Variants in NDRG2 observed in about 807,000 individuals in gnomAD.
The protein encoded by NDRG2 is NDRG family member 2, also known as protein NDRG2.
A neutral mutation model predicts 58.2 loss-of-function variants in NDRG2; 34 were observed. The observed-to-expected ratio is 0.58, with a 90% CI of 0.44 to 0.78. NDRG2 has a LOEUF of 0.78. Among genes scored for constraint, NDRG2 ranks in the 30% least tolerant of loss-of-function variants. The pLI is 0.00. For missense variants in NDRG2, 434 were observed against 471.2 expected, an observed-to-expected ratio of 0.92 and a Z score of 0.73; for synonymous variants, 187 against 175.9, an observed-to-expected ratio of 1.06 and a Z score of -0.50.
At chr14:21,034,298 T>C in intron 1 of NDRG2, 1 of 1,601,424 alleles carries the variant, frequency 6.2e-7, no homozygotes, top group Non-Finnish European at 8.5e-7. Context: ...TTCCTCCTGC[T>C]GGTAGAGTTA....
At chr14:21,050,951 A>G (rs1885437947) in intron 1 of NDRG2, among the ~76,000 whole-genome samples, 2 of 152,356 alleles carry the variant, frequency 1.3e-5, no homozygotes, top group East Asian at 3.9e-4. Context: ...AAATTATTTC[A>G]AAGTGAAAAT....
Position 21,070,455 on chromosome 14 carries a change from G to A in NDRG2, c.24+373C>T, listed in dbSNP as rs1184127527. On this transcript the variant is annotated intron_variant, in intron 1 of 14. Transcript: ENST00000403829. The surrounding 1 kb of genome is among the most constrained non-coding windows in gnomAD (Gnocchi z 4.7). Reference sequence around the variant, plus strand: ...CCTCGGCCTTCGCGCAGCCCGCTCCGGGCCCCCAAGTCCTCAGCCTGGTGC... The same window carrying A: ...CCTCGGCCTTCGCGCAGCCCGCTCCAGGCCCCCAAGTCCTCAGCCTGGTGC... 1.5e-6 allele frequency: 2 copies of A among 1,348,126 alleles called. No individual in the cohort carries two copies. The highest frequency in any genetic ancestry group is 6.1e-5 in the East Asian group (2 of 32,966). The allele number at this position is 1,348,126 out of a possible 1,614,324, so 83.5% of individuals were successfully genotyped here. A position where few individuals can be genotyped will look rare whatever the true frequency, so the allele number is the denominator to read the frequency against.
At position 21,031,747 on chromosome 14, in the gene NDRG2, T is replaced by C. The variant is rs1594477749; in HGVS notation, c.25-8426A>G. The stretch of plus-strand genomic sequence containing the variant: ...ACCAGAGTACCTGCCCACAGCTGTA[T>C]CTGGGCCCTAAGAAAGCAGCACCCC... On this transcript the variant is annotated intron_variant, in intron 1 of 14. Coordinates refer to the NDRG2 transcript ENST00000403829. 1.2e-5 allele frequency: 10 copies of C among 843,454 alleles called. No individual in the cohort carries two copies. The East Asian group carries it at 2.4e-4, about 20-fold the overall frequency. The allele number at this position is 843,454 out of a possible 1,614,324, so 52.2% of individuals were successfully genotyped here. A position where few individuals can be genotyped will look rare whatever the true frequency, so the allele number is the denominator to read the frequency against.
intron 6 of NDRG2, chr14:21,021,047 C>G (rs1466601825): frequency 1.5e-6 from 1 of 681,214 alleles, no homozygotes; most frequent in South Asian, 1.5e-5. Context: ...TACCTGAAGT[C>G]TATCCCCAGC....
chr14:21,057,300 G>A (rs1885716789), intron 1 of NDRG2, among the ~76,000 whole-genome samples: 1 of 152,092 alleles, frequency 6.6e-6, no homozygotes, highest in Admixed American at 6.5e-5. Context: ...GCTAGGCGTG[G>A]TGGTGCATGC....
chr14:21,060,507 GCT>G (rs1885903255), intron 1 of NDRG2, among the ~76,000 whole-genome samples: 1 of 152,184 alleles, frequency 6.6e-6, no homozygotes, highest in Admixed American at 6.5e-5. Context: ...CCTGTTCTGA[GCT>G]CTCTTTTCTT....
chr14:21,037,227 G>A (rs373296441), intron 1 of NDRG2, among the ~76,000 whole-genome samples: 41 of 152,310 alleles, frequency 2.7e-4, no homozygotes, highest in African/African-American at 8.7e-4. Context: ...ATGAGCCTTC[G>A]GCTTCCCAAC....
In NDRG2 at chr14:21,067,011, C is replaced by T. The variant is rs887785269; in HGVS notation, c.24+3817G>A. Among the ~76,000 whole-genome samples the T allele has an allele frequency of 7.2e-5, 11 of 152,296 alleles. No homozygotes were observed. In the South Asian group the frequency reaches 2.3e-3, roughly 32 times the overall value. On this transcript the variant is annotated intron_variant, in intron 1 of 14. Coordinates refer to the NDRG2 transcript ENST00000403829. ...TTCCCTTTGTGGTCCTTCATTAATT[C>T]CCCCTAACTTGAGGCATGGGGCTGA...
chr14:21,047,775 G>A (rs1022785448), intron 1 of NDRG2, among the ~76,000 whole-genome samples: 13 of 152,166 alleles, frequency 8.5e-5, no homozygotes, highest in Admixed American at 2.6e-4. Context: ...AAGAACTGGA[G>A]CTAGATGAGC....
chr14:21,021,851 C>CA lies in NDRG2; in HGVS notation c.372dup (p.Ala125CysfsTer34), dbSNP rs1880576185. 6.2e-7 allele frequency: 1 copy of CA among 1,613,266 alleles called. No homozygotes were observed. The highest frequency in any genetic ancestry group is 8.5e-7 in the Non-Finnish European group (1 of 1,179,674). On this transcript the variant is annotated frameshift_variant, in exon 6 of 16. Transcript: ENST00000556147. LOFTEE classifies it high-confidence loss of function. ...TGCAGGACGCAAGGGATCATGTCTG[C>CA]AAGCTGGTCCAGAGATGGGTACTGA...
intron 6 of NDRG2, chr14:21,021,478 G>A (rs907964131): frequency 3.0e-6 from 1 of 338,096 alleles, no homozygotes; most frequent in African/African-American, 2.1e-5. Context: ...AGGGGAGTGG[G>A]AGAGAAAGAG....
chr14:21,038,368 A>C (rs2139103995), intron 1 of NDRG2, among the ~76,000 whole-genome samples: 1 of 152,370 alleles, frequency 6.6e-6, no homozygotes, highest in South Asian at 2.1e-4. Context: ...GTCTAAGAGA[A>C]AAATAATACA....
intron 1 of NDRG2, among the ~76,000 whole-genome samples, chr14:21,048,720 C>T (rs1885324659): frequency 6.6e-6 from 1 of 151,824 alleles, no homozygotes; most frequent in Non-Finnish European, 1.5e-5. Flanking sequence ...GTTAGCATTT[C>T]TATTTATCAT....
chr14:21,035,987 C>T, intron 1 of NDRG2: 1 of 384,086 alleles, frequency 2.6e-6, no homozygotes, highest in Non-Finnish European at 5.2e-6. Flanking sequence ...CCACTGAAAG[C>T]TTCCTTGTTT....
intron 3 of NDRG2, 135 bp downstream of exon 3, chr14:21,022,729 G>A (rs376684390): frequency 1.3e-6 from 1 of 798,446 alleles, no homozygotes; most frequent in East Asian, 2.7e-5. Context: ...GGAGAGGGGA[G>A]AGATAGGGAA....
chr14:21,039,915 C>G (rs1226897371), intron 1 of NDRG2, among the ~76,000 whole-genome samples: 1 of 152,106 alleles, frequency 6.6e-6, no homozygotes, highest in Non-Finnish European at 1.5e-5. Flanking sequence ...AAATTTAAAT[C>G]ATGGCTTGAA....
chr14:21,022,527 G>C (rs1881125976), intron 3 of NDRG2, 30 bp from the exon 4 acceptor site: 2 of 1,545,736 alleles, frequency 1.3e-6, no homozygotes, highest in Non-Finnish European at 8.9e-7. Context: ...CAAGAGCTAG[G>C]CTCAGAGGAG....
At chr14:21,041,285 G>A (rs998757250) in intron 1 of NDRG2, among the ~76,000 whole-genome samples, 65 of 152,238 alleles carry the variant, frequency 4.3e-4, no homozygotes, top group African/African-American at 1.5e-3. Context: ...GTGGGCCACC[G>A]TACCTGGCCA....
At chr14:21,049,058 C>G (rs1039782431) in intron 1 of NDRG2, among the ~76,000 whole-genome samples, 1 of 152,126 alleles carries the variant, frequency 6.6e-6, no homozygotes, top group Non-Finnish European at 1.5e-5. Flanking sequence ...TTTATGAATC[C>G]AAAGATATGA....
Sources: allele counts gnomAD v4.1 joint callset (sites outside exome capture counted in the v4.1 genomes callset), GRCh38; gene constraint gnomAD v4.1.1; non-coding constraint Gnocchi (gnomAD v3.1); transcripts MANE v1.5; gene names NCBI Gene and HGNC (gene_info 2026-07-23, HGNC 2026-07-21).